DYRK1A: variants seen among roughly 807,000 people sequenced by gnomAD.
The protein encoded by DYRK1A is dual specificity tyrosine phosphorylation regulated kinase 1A, also known as dual specificity tyrosine-phosphorylation-regulated kinase 1A.
Under a neutral mutation model 79.7 loss-of-function variants are expected in DYRK1A, and 9 were observed. The observed-to-expected ratio is 0.11, with a 90% CI of 0.07 to 0.20. The LOEUF (loss-of-function observed/expected upper bound fraction) is 0.20, where lower values mean the gene tolerates loss of function less well. Among genes scored for constraint, DYRK1A ranks in the 10% least tolerant of loss-of-function variants. DYRK1A has a pLI of 1.00. For synonymous variants in DYRK1A, 349 were observed against 329.7 expected, an observed-to-expected ratio of 1.06 and a Z score of -0.63; for missense variants, 622 against 956.0, an observed-to-expected ratio of 0.65 and a Z score of 4.61.
chr21:37,365,615 T>C (rs955478063), upstream of DYRK1A: 10 of 151,806 alleles, frequency 6.6e-5, no homozygotes, highest in East Asian at 7.7e-4. Flanking sequence ...CAGCAATACA[T>C]AGCTAGGGAG....
chr21:37,484,590 A>T (rs1218271728), intron 5 of DYRK1A, among the ~76,000 whole-genome samples: 2 of 152,052 alleles, frequency 1.3e-5, no homozygotes, highest in African/African-American at 4.8e-5. Flanking sequence ...TGGCCTCCCA[A>T]ATCATGCTGG....
At chr21:37,441,203 A>G (rs2051092300) in intron 2 of DYRK1A, among the ~76,000 whole-genome samples, 1 of 152,124 alleles carries the variant, frequency 6.6e-6, no homozygotes, top group South Asian at 2.1e-4. Flanking sequence ...TAATATAGCC[A>G]TTCTGTCTTA....
chr21:37,369,028 G>T (rs182320208), intron 1 of DYRK1A, among the ~76,000 whole-genome samples: 1 of 152,214 alleles, frequency 6.6e-6, no homozygotes, highest in East Asian at 1.9e-4. Flanking sequence ...GATATTCCTT[G>T]ATGTGTTTTG....
intron 2 of DYRK1A, among the ~76,000 whole-genome samples, chr21:37,428,609 A>G (rs957935576): frequency 7.2e-5 from 11 of 152,238 alleles, no homozygotes; most frequent in Non-Finnish European, 1.3e-4. Context: ...TGAATTGTAG[A>G]TTCAAAGTGA....
chr21:37,387,774 C>G (rs2049788768), intron 1 of DYRK1A, among the ~76,000 whole-genome samples: 1 of 152,076 alleles, frequency 6.6e-6, no homozygotes, highest in Admixed American at 6.5e-5. Flanking sequence ...TCAGAAAATA[C>G]CTTTAATCTG....
At chr21:37,393,489 T>TG (rs1324251662) in intron 1 of DYRK1A, among the ~76,000 whole-genome samples, 3 of 152,206 alleles carry the variant, frequency 2.0e-5, no homozygotes, top group Non-Finnish European at 4.4e-5. Context: ...GTAGGAGTTT[T>TG]GAATTATTTG....
intron 1 of DYRK1A, among the ~76,000 whole-genome samples, chr21:37,411,754 A>C (rs186531685): frequency 7.2e-5 from 11 of 152,326 alleles, no homozygotes; most frequent in African/African-American, 2.6e-4. Flanking sequence ...AATTTAGAGA[A>C]TACAGATAAG....
intron 1 of DYRK1A, among the ~76,000 whole-genome samples, chr21:37,399,445 G>A (rs948758044): frequency 6.6e-6 from 1 of 151,988 alleles, no homozygotes; most frequent in African/African-American, 2.4e-5. Flanking sequence ...TGCAGAGTTT[G>A]TGGTAGGGGA....
intron 11 of DYRK1A, among the ~76,000 whole-genome samples, chr21:37,506,508 CT>C (rs940345525): frequency 6.6e-6 from 1 of 152,172 alleles, no homozygotes; most frequent in East Asian, 1.9e-4. Context: ...GAGCCTCATG[CT>C]TTTTTGATTC....
chr21:37,485,880 T>C (rs879898629), intron 5 of DYRK1A, among the ~76,000 whole-genome samples: 36 of 152,310 alleles, frequency 2.4e-4, no homozygotes, highest in Non-Finnish European at 4.3e-4. Context: ...CCCCCAATTA[T>C]GGCGTTTGTG....
chr21:37,448,773 T>C (rs1235232208), intron 2 of DYRK1A, among the ~76,000 whole-genome samples: 1 of 152,188 alleles, frequency 6.6e-6, no homozygotes, highest in African/African-American at 2.4e-5. Context: ...TACGGAGCAC[T>C]GCAGCCTCAA....
At chr21:37,468,302 T>G in intron 2 of DYRK1A, among the ~76,000 whole-genome samples, 3 of 147,314 alleles carry the variant, frequency 2.0e-5, no homozygotes, top group African/African-American at 2.5e-5. Context: ...AGAGATGAGG[T>G]GGTGGTGTGT....
chr21:37,426,876 C>T (rs1235012787), intron 2 of DYRK1A, among the ~76,000 whole-genome samples: 2 of 144,732 alleles, frequency 1.4e-5, no homozygotes, highest in South Asian at 2.2e-4. Context: ...GCCGAGATAG[C>T]GCCACTGGAC....
chr21:37,383,303 T>G (rs2049695715), intron 1 of DYRK1A, among the ~76,000 whole-genome samples: 2 of 152,348 alleles, frequency 1.3e-5, no homozygotes, highest in African/African-American at 2.4e-5. Flanking sequence ...AGTGACTGAG[T>G]CTCATTTGGT....
rs768085303 is a variant in DYRK1A at position 37,517,494 on chromosome 21, T to C, written c.*4963T>C. The stretch of plus-strand genomic sequence containing the variant: ...TTATTCTTGTAAAGTTTTGCTTCCA[T>C]TATATACTCATTCATTAGTCAGTGT... On this transcript the variant is annotated 3_prime_UTR_variant, in exon 12 of 12. Transcript: ENST00000647188. The C allele has an allele frequency of 9.2e-5, 14 of 152,202 alleles. No individual in the cohort carries two copies. The highest frequency in any genetic ancestry group is 1.3e-4 in the Non-Finnish European group (9 of 68,042). The allele number at this position is 152,202 out of a possible 1,614,324, so 9.4% of individuals were successfully genotyped here.
At chr21:37,411,049 T>TCAAAAAAAAAAA (rs1391560478) in intron 1 of DYRK1A, among the ~76,000 whole-genome samples, 1 of 56,442 alleles carries the variant, frequency 1.8e-5, no homozygotes, top group African/African-American at 7.4e-5. Context: ...ATTCTGTCTT[T>TCAAAAAAAAAAA]AAAAAAAAAA....
Position 37,476,615 on chromosome 21 carries a change from C to T in DYRK1A, c.208-1593C>T, listed in dbSNP as rs190133864. Among the ~76,000 whole-genome samples the T allele has an allele frequency of 3.6e-3, 545 of 152,298 alleles. 4 individuals are homozygous for T. The highest frequency in any genetic ancestry group is 0.013 in the African/African-American group (526 of 41,564). On this transcript the variant is annotated intron_variant, in intron 3 of 11. Coordinates refer to ENST00000647188, the MANE Select transcript of DYRK1A (RefSeq NM_001347721.2). Reference sequence around the variant, plus strand: ...AACCTTTCATCACCCTAAATGCTTACAGCATTCATTCACAGAAAAACTGAC... The same window carrying T: ...AACCTTTCATCACCCTAAATGCTTATAGCATTCATTCACAGAAAAACTGAC...
At chr21:37,508,884 C>G (rs2148657297) in intron 11 of DYRK1A, among the ~76,000 whole-genome samples, 1 of 152,316 alleles carries the variant, frequency 6.6e-6, no homozygotes, top group African/African-American at 2.4e-5. Context: ...CAGGGGCTCT[C>G]TCTAAATCTT....
intron 5 of DYRK1A, among the ~76,000 whole-genome samples, chr21:37,482,023 A>C (rs2052660827): frequency 6.6e-6 from 1 of 152,206 alleles, no homozygotes. Context: ...ATTAATCTGC[A>C]GTCCAAACTT....
Sources: gnomAD v4.1 joint callset for allele counts (sites outside exome capture counted in the v4.1 genomes callset) on GRCh38, gnomAD v4.1.1 for gene constraint, MANE v1.5 for transcripts, NCBI Gene and HGNC (gene_info 2026-07-23, HGNC 2026-07-21) for gene names.